SETD2: variants seen among roughly 807,000 people sequenced by gnomAD.
SETD2 encodes the protein histone-lysine N-methyltransferase SETD2.
SETD2 carries 31 observed loss-of-function variants against 242.1 expected under a neutral mutation model. That is an observed-to-expected ratio of 0.13 (90% CI 0.10 to 0.17). The LOEUF is 0.17. Ranked by LOEUF, SETD2 falls within the 10% of genes least tolerant of loss-of-function variation. The probability of loss-of-function intolerance (pLI) is 1.00; values close to 1 mark genes in which losing one functional copy is unlikely to be tolerated. For missense variants in SETD2, 2,481 were observed against 3,046.3 expected (o/e 0.81, Z 4.37); for synonymous variants, 1,006 against 1,066.5 (o/e 0.94, Z 1.11).
intron 15 of SETD2, among the ~76,000 whole-genome samples, chr3:47,050,970 T>G (rs1575691012): frequency 2.6e-5 from 4 of 152,042 alleles, no homozygotes; most frequent in African/African-American, 9.6e-5. Flanking sequence ...TGACCTCAAG[T>G]GATCCCCACA....
At chr3:47,101,215 ATATAAT>A (rs1356344248) in intron 8 of SETD2, among the ~76,000 whole-genome samples, 3 of 152,086 alleles carry the variant, frequency 2.0e-5, no homozygotes, top group Non-Finnish European at 4.4e-5. Context: ...TACATAAGAA[ATATAAT>A]TATACAAGTA....
chr3:47,100,918 G>A lies in SETD2; in HGVS notation c.5015+540C>T, dbSNP rs892169009. Among the ~76,000 whole-genome samples, 125 of 146,860 alleles carry A rather than the reference G, an allele frequency of 8.5e-4. 1 individual carries two copies. Among genetic ancestry groups the A allele is most frequent in the African/African-American group, 2.9e-3 (118 of 40,002 alleles). ...CCAGCTGCTCAGGAGGCTGAGGCAG[G>A]AGAACGGCATGAACCTGGGAGGCGG... On this transcript the variant is annotated intron_variant, in intron 8 of 20. Coordinates refer to ENST00000409792, the MANE Select transcript of SETD2 (RefSeq NM_014159.7).
In SETD2 at chr3:47,121,982, C is replaced by A; in HGVS notation, c.2654G>T (p.Ser885Ile). 1 of 1,613,960 alleles carries A rather than the reference C, an allele frequency of 6.2e-7. No homozygotes were observed. Among genetic ancestry groups the A allele is most frequent in the East Asian group, 2.2e-5 (1 of 44,870 alleles). ...GSSGIASSLQ[S>I]LPPGIKVDSL... ...GTCCACCTTTATTCCTGGTGGAAGA[C>A]TCTGAAGAGATGAAGCAATACCTGA... The change falls in exon 3 of 21, where the codon AGT becomes ATT. Residue 885 changes from serine (S) to isoleucine (I), a missense_variant. Physicochemically the swap from Ser to Ile is moderately radical, Grantham distance 142 (BLOSUM62 -2). Around this residue, in one of 17 missense-constraint regions of SETD2, gnomAD observed 1,300 missense variants for 1,259.2 expected, o/e 1.03. Coordinates refer to ENST00000409792, the MANE Select transcript of SETD2 (RefSeq NM_014159.7).
At chr3:47,085,968 T>G (rs1273445172) in intron 11 of SETD2, among the ~76,000 whole-genome samples, 1 of 152,148 alleles carries the variant, frequency 6.6e-6, no homozygotes, top group African/African-American at 2.4e-5. Context: ...TGCTATGTAG[T>G]ACCAACTTTA....
At chr3:47,115,665 T>TGA (rs1356375821) in intron 4 of SETD2, among the ~76,000 whole-genome samples, 1 of 152,206 alleles carries the variant, frequency 6.6e-6, no homozygotes, top group Admixed American at 6.5e-5. Flanking sequence ...AAAATTTTTT[T>TGA]GAGACAACAT....
chr3:47,156,306 C>G (rs953221018), intron 1 of SETD2, among the ~76,000 whole-genome samples: 1 of 152,088 alleles, frequency 6.6e-6, no homozygotes, highest in Non-Finnish European at 1.5e-5. Context: ...CAACGAGTCA[C>G]TACAGTGAAA....
At chr3:47,147,279 C>T (rs1199169961) in intron 1 of SETD2, among the ~76,000 whole-genome samples, 2 of 150,024 alleles carry the variant, frequency 1.3e-5, no homozygotes, top group Non-Finnish European at 2.9e-5. Flanking sequence ...TCCCAAAGTG[C>T]TGGGATTACA....
intron 1 of SETD2, among the ~76,000 whole-genome samples, chr3:47,148,697 T>C (rs746473959): frequency 3.3e-5 from 5 of 152,132 alleles, no homozygotes; most frequent in African/African-American, 4.8e-5. Flanking sequence ...GTTAGAATAA[T>C]AAAAACCCCA....
intron 12 of SETD2, among the ~76,000 whole-genome samples, chr3:47,068,215 C>A (rs2040647433): frequency 6.6e-6 from 1 of 152,184 alleles, no homozygotes; most frequent in Non-Finnish European, 1.5e-5. Context: ...ATTAACCACA[C>A]CTGTGGCCTC....
intron 15 of SETD2, among the ~76,000 whole-genome samples, chr3:47,051,081 T>C (rs2039822318): frequency 1.3e-5 from 2 of 151,568 alleles, no homozygotes; most frequent in South Asian, 4.2e-4. Flanking sequence ...CCATATTCTC[T>C]TGCCATGACC....
rs775604042 is a variant in SETD2 at position 47,120,661 on chromosome 3, T to C, written c.3975A>G (p.Gly1325=). ...CATCTGTTAGGGAATCTGGTACTTGTCCTTGAGTTCGATCATACACAACCC... is the reference window on the plus strand; with the variant it reads ...CATCTGTTAGGGAATCTGGTACTTGCCCTTGAGTTCGATCATACACAACCC... ...GTGVVYDRTQ[G]QVPDSLTDDR... The change falls in exon 3 of 21, where the codon GGA becomes GGG. Residue 1325 remains glycine, a synonymous_variant. Transcript: ENST00000409792. 5.8e-5 allele frequency: 93 copies of C among 1,613,998 alleles called. No individual in the cohort carries two copies. Among genetic ancestry groups the C allele is most frequent in the Middle Eastern group, 4.9e-4 (3 of 6,084 alleles).
chr3:47,122,018 G>A lies in SETD2; in HGVS notation c.2618C>T (p.Pro873Leu), dbSNP rs937315949. The change falls in exon 3 of 21, where the codon CCT becomes CTT. Residue 873 changes from proline (P) to leucine (L), a missense_variant. Physicochemically the swap from Pro to Leu is moderately conservative, Grantham distance 98. Around this residue, in one of 17 missense-constraint regions of SETD2, gnomAD observed 1,300 missense variants for 1,259.2 expected, o/e 1.03. Transcript: ENST00000409792. ...TGAAGCAATACCTGAACTCCCAATA[G>A]GTTGATATAAATCATCAAAATGATT... ...SVNHFDDLYQPIGSSGIASSL... is the reference protein window; with the variant it reads ...SVNHFDDLYQLIGSSGIASSL... 17 of 1,613,664 alleles carry A rather than the reference G, an allele frequency of 1.1e-5. No homozygotes were observed. In the East Asian group the frequency reaches 3.8e-4, roughly 36 times the overall value.
chr3:47,062,038 T>G, intron 14 of SETD2, 125 bp downstream of exon 14: 1 of 777,006 alleles, frequency 1.3e-6, no homozygotes, highest in Admixed American at 2.5e-5. Context: ...GTATACTCAC[T>G]CATCAAAATG....
chr3:47,099,207 A>G (rs1459914054), intron 8 of SETD2, among the ~76,000 whole-genome samples: 2 of 152,250 alleles, frequency 1.3e-5, no homozygotes, highest in Non-Finnish European at 2.9e-5. Context: ...TGAACAGAGT[A>G]CAGGAATTAA....
intron 1 of SETD2, among the ~76,000 whole-genome samples, chr3:47,133,162 TATCTC>T (rs2043517479): frequency 6.6e-6 from 1 of 152,186 alleles, no homozygotes; most frequent in South Asian, 2.1e-4. Flanking sequence ...AAAATGTTCT[TATCTC>T]GGGAATCTGG....
At chr3:47,124,607 T>C (rs1007840929) in intron 2 of SETD2, 59 bp from the exon 3 acceptor site, 58 of 1,389,606 alleles carry the variant, frequency 4.2e-5, no homozygotes, top group Non-Finnish European at 4.7e-5. Flanking sequence ...TCAAATGGAC[T>C]GCACAGTTTA....
chr3:47,030,961 T>G (rs1403688315), intron 18 of SETD2, among the ~76,000 whole-genome samples: 1 of 152,222 alleles, frequency 6.6e-6, no homozygotes, highest in African/African-American at 2.4e-5. Flanking sequence ...GAAGCCTCAA[T>G]GCATATTGCT....
At chr3:47,019,984 G>A in intron 18 of SETD2, 144 bp from the exon 19 acceptor site, 1 of 674,716 alleles carries the variant, frequency 1.5e-6, no homozygotes, top group Non-Finnish European at 2.6e-6. Flanking sequence ...CCTGACTCAG[G>A]TACAAGGCCT....
chr3:47,059,427 G>T (rs1480920807), intron 14 of SETD2, among the ~76,000 whole-genome samples: 10 of 140,240 alleles, frequency 7.1e-5, no homozygotes, highest in Admixed American at 2.1e-4. Flanking sequence ...CAAATTTTTT[G>T]TTTTTTTTTT....
Sources: allele counts gnomAD v4.1 joint callset (sites outside exome capture counted in the v4.1 genomes callset), GRCh38; gene constraint gnomAD v4.1.1; regional missense constraint gnomAD v4.1.1; transcripts MANE v1.5; gene names NCBI Gene and HGNC (gene_info 2026-07-23, HGNC 2026-07-21).